ABCD2: variants seen among roughly 807,000 people sequenced by gnomAD.
The protein encoded by ABCD2 is ATP binding cassette subfamily D member 2.
A neutral mutation model predicts 70.9 loss-of-function variants in ABCD2; 36 were observed. That is an observed-to-expected ratio of 0.51 (90% confidence interval 0.39 to 0.67). ABCD2 has a LOEUF of 0.67. Ranked by LOEUF, ABCD2 falls within the 30% of genes least tolerant of loss-of-function variation. The pLI is 0.00. For synonymous variants in ABCD2, 304 were observed against 306.9 expected, an observed-to-expected ratio of 0.99 and a Z score of 0.10; for missense variants, 729 against 890.2, an observed-to-expected ratio of 0.82 and a Z score of 2.30.
chr12:39,556,982 CAA>C (rs57091997), intron 9 of ABCD2, among the ~76,000 whole-genome samples: 15 of 110,622 alleles, frequency 1.4e-4, no homozygotes, highest in South Asian at 2.7e-4. Context: ...GACTCTGTCT[CAA>C]AAAAAAAAAA....
Position 39,550,622 on chromosome 12 carries a change from GCAAAACATATTCAACCC to G in ABCD2, c.*3273_*3289del, listed in dbSNP as rs1941074642. 1 of 151,684 alleles carries G rather than the reference GCAAAACATATTCAACCC, an allele frequency of 6.6e-6. No individual in the cohort carries two copies. The highest frequency in any genetic ancestry group is 1.5e-5 in the Non-Finnish European group (1 of 67,696). 9.4% of individuals were successfully genotyped at this position (151,684 alleles called of 1,614,324 possible). On this transcript the variant is annotated 3_prime_UTR_variant, in exon 10 of 10. Transcript: ENST00000308666. The stretch of plus-strand genomic sequence containing the variant: ...ACATCCACCTGAAGGCGCTCATGTG[GCAAAACATATTCAACCC>G]CAAAACATATTCAACATATCTAAAT...
At chr12:39,579,143 C>T (rs1314850095) in intron 8 of ABCD2, among the ~76,000 whole-genome samples, 1 of 152,144 alleles carries the variant, frequency 6.6e-6, no homozygotes, top group Non-Finnish European at 1.5e-5. Flanking sequence ...GGGCGGATCA[C>T]CTGAAGTTAG....
intron 8 of ABCD2, among the ~76,000 whole-genome samples, chr12:39,578,682 A>G (rs1415014757): frequency 6.6e-6 from 1 of 151,466 alleles, no homozygotes; most frequent in African/African-American, 2.4e-5. Context: ...ACAATTAAAA[A>G]TGTTTTATCA....
intron 9 of ABCD2, among the ~76,000 whole-genome samples, chr12:39,568,171 C>T (rs1420882414): frequency 2.0e-5 from 3 of 152,116 alleles, no homozygotes; most frequent in Non-Finnish European, 2.9e-5. Flanking sequence ...GAATGTTGGC[C>T]TGCCTTGCTA....
chr12:39,596,947 C>A (rs768285800), intron 6 of ABCD2, among the ~76,000 whole-genome samples: 8 of 152,128 alleles, frequency 5.3e-5, no homozygotes, highest in Non-Finnish European at 8.8e-5. Context: ...TAATACCTAA[C>A]ACAATACAAA....
At chr12:39,611,861 T>C (rs1942048970) in intron 2 of ABCD2, among the ~76,000 whole-genome samples, 1 of 151,948 alleles carries the variant, frequency 6.6e-6, no homozygotes, top group Non-Finnish European at 1.5e-5. Flanking sequence ...AACAAATGAC[T>C]CATTACATAA....
In ABCD2 at chr12:39,586,363, T is replaced by C. The variant is rs1054770743; in HGVS notation, c.1647-66A>G. 13 of 1,515,168 alleles carry C rather than the reference T, an allele frequency of 8.6e-6. No homozygotes were observed. The African/African-American group carries it at 1.4e-4, about 16-fold the overall frequency. The allele number at this position is 1,515,168 out of a possible 1,614,324, so 93.9% of individuals were successfully genotyped here. A position where few individuals can be genotyped will look rare whatever the true frequency, so the allele number is the denominator to read the frequency against. On this transcript the variant is annotated intron_variant, in intron 6 of 9. Coordinates refer to ENST00000308666, the MANE Select transcript of ABCD2 (RefSeq NM_005164.4). ...ATGATAACTTACTCAGTGTGACAAC[T>C]TGGTAGTCTGAAAACATCAGTGAAG...
At chr12:39,586,894 C>G (rs1307595865) in intron 6 of ABCD2, among the ~76,000 whole-genome samples, 1 of 152,130 alleles carries the variant, frequency 6.6e-6, no homozygotes, top group African/African-American at 2.4e-5. Flanking sequence ...CATTGAGTTT[C>G]TTACTAATCA....
chr12:39,600,804 T>C (rs1941887000), intron 5 of ABCD2, 88 bp from the exon 6 acceptor site: 3 of 1,229,680 alleles, frequency 2.4e-6, no homozygotes, highest in Non-Finnish European at 3.4e-6. Flanking sequence ...TTTTAAAATG[T>C]TCGAAAACAT....
chr12:39,582,091 T>G (rs1306842692), intron 7 of ABCD2, among the ~76,000 whole-genome samples: 1 of 152,228 alleles, frequency 6.6e-6, no homozygotes, highest in East Asian at 1.9e-4. Context: ...CTTGCAAATT[T>G]AAGTGTTTTC....
chr12:39,574,069 A>G (rs977482028), intron 8 of ABCD2, among the ~76,000 whole-genome samples: 3 of 152,140 alleles, frequency 2.0e-5, no homozygotes, highest in East Asian at 1.9e-4. Context: ...TAATAATACA[A>G]TAAGCTTTAT....
intron 6 of ABCD2, among the ~76,000 whole-genome samples, chr12:39,592,664 G>A (rs538240651): frequency 2.6e-5 from 4 of 152,284 alleles, no homozygotes; most frequent in East Asian, 3.9e-4. Flanking sequence ...CAGTACATAG[G>A]TATAGAGTTC....
intron 9 of ABCD2, among the ~76,000 whole-genome samples, chr12:39,559,875 G>C (rs1286699933): frequency 6.6e-6 from 1 of 152,160 alleles, no homozygotes; most frequent in African/African-American, 2.4e-5. Context: ...GTACTAAAGG[G>C]AGTTCTTCAC....
chr12:39,579,674 A>G, intron 7 of ABCD2, 55 bp from the exon 8 acceptor site: 1 of 1,362,356 alleles, frequency 7.3e-7, no homozygotes, highest in Non-Finnish European at 1.0e-6. Flanking sequence ...AATTGTTACT[A>G]TTTCTACCCT....
intron 7 of ABCD2, among the ~76,000 whole-genome samples, chr12:39,583,821 C>A (rs557437892): frequency 2.4e-4 from 36 of 152,302 alleles, no homozygotes; most frequent in Non-Finnish European, 4.4e-4. Context: ...TGATTGCCTC[C>A]AGCTCCATTC....
the ABCD2 span, among the ~76,000 whole-genome samples, chr12:39,535,732 A>C: frequency 6.6e-6 from 1 of 152,222 alleles, no homozygotes; most frequent in Non-Finnish European, 1.5e-5. Context: ...ATATACACAA[A>C]CTATGCCAAG....
Position 39,618,758 on chromosome 12 carries a change from T to A in ABCD2, c.858A>T (p.Ala286=), listed in dbSNP as rs750046679. The part of the protein sequence containing the change: ...PKFGKLVAEE[A]HRKGYLRYVH... ...CATACCGCAAATAGCCTTTTCTATG[T>A]GCTTCCTCTGCCACCAGTTTGCCAA... The change falls in exon 1 of 10, where the codon GCA becomes GCT. Residue 286 remains alanine (A), a synonymous_variant. Transcript: ENST00000308666. 6.2e-7 allele frequency: 1 copy of A among 1,614,272 alleles called. No individual in the cohort carries two copies. Among genetic ancestry groups the A allele is most frequent in the Non-Finnish European group, 8.5e-7 (1 of 1,180,050 alleles).
chr12:39,561,578 C>T (rs1444568339), intron 9 of ABCD2, among the ~76,000 whole-genome samples: 2 of 151,966 alleles, frequency 1.3e-5, no homozygotes, highest in Non-Finnish European at 2.9e-5. Flanking sequence ...GTAAAATAGA[C>T]TTTAAGTGAA....
intron 5 of ABCD2, among the ~76,000 whole-genome samples, chr12:39,603,406 AATT>A (rs1453273809): frequency 3.9e-5 from 6 of 152,086 alleles, no homozygotes; most frequent in African/African-American, 7.2e-5. Flanking sequence ...TTAAATAAGA[AATT>A]ATTGTCAACA....
Sources: gnomAD v4.1 joint callset for allele counts (sites outside exome capture counted in the v4.1 genomes callset) on GRCh38, gnomAD v4.1.1 for gene constraint, MANE v1.5 for transcripts, NCBI Gene and HGNC (gene_info 2026-07-23, HGNC 2026-07-21) for gene names.